Variants in CSMD1 observed in about 807,000 individuals in gnomAD.
CSMD1 encodes the protein CUB and Sushi multiple domains 1.
CSMD1 carries 213 observed loss-of-function variants against 417.5 expected under a neutral mutation model. That is an observed-to-expected ratio of 0.51 (90% CI 0.46 to 0.57). The LOEUF is 0.57. Among genes scored for constraint, CSMD1 ranks in the 20% least tolerant of loss-of-function variants. CSMD1 has a pLI of 0.00. For missense variants in CSMD1, 6,923 were observed against 4,529.7 expected, an observed-to-expected ratio of 1.53 and a Z score of -15.17; for synonymous variants, 2,862 against 1,736.8, an observed-to-expected ratio of 1.65 and a Z score of -16.11.
chr8:4,247,765 A>G (rs944974920), intron 3 of CSMD1, among the ~76,000 whole-genome samples: 2 of 152,174 alleles, frequency 1.3e-5, no homozygotes, highest in African/African-American at 2.4e-5. Flanking sequence ...GAAGCCTACA[A>G]CTTTAAAATA....
At chr8:4,630,566 G>A (rs1802450523) in intron 2 of CSMD1, among the ~76,000 whole-genome samples, 2 of 152,150 alleles carry the variant, frequency 1.3e-5, no homozygotes, top group Admixed American at 1.3e-4. Context: ...AGCATATGTT[G>A]ACAAGAGCAA....
intron 5 of CSMD1, among the ~76,000 whole-genome samples, chr8:3,876,612 T>C (rs1805841858): frequency 6.6e-6 from 1 of 152,178 alleles, no homozygotes; most frequent in Non-Finnish European, 1.5e-5. Context: ...TTGTTTTTGT[T>C]TGTTTCTTTG....
intron 1 of CSMD1, among the ~76,000 whole-genome samples, chr8:4,761,896 T>A (rs976416979): frequency 7.1e-4 from 63 of 88,824 alleles, no homozygotes; most frequent in Non-Finnish European, 1.0e-3. Context: ...TCTACCTACC[T>A]ATCTATCTAT....
chr8:4,292,791 C>A (rs75965413), intron 3 of CSMD1, among the ~76,000 whole-genome samples: 3 of 152,146 alleles, frequency 2.0e-5, no homozygotes, highest in Non-Finnish European at 2.9e-5. Flanking sequence ...GTAGTCCCAA[C>A]CATGTATCTT....
At chr8:3,559,349 G>A (rs1799367743) in intron 10 of CSMD1, among the ~76,000 whole-genome samples, 2 of 152,192 alleles carry the variant, frequency 1.3e-5, no homozygotes, top group Admixed American at 1.3e-4. Flanking sequence ...TCTGAACAGA[G>A]GTTTAAAGGA....
chr8:4,652,920 G>A (rs1475884828), intron 1 of CSMD1, among the ~76,000 whole-genome samples: 1 of 151,552 alleles, frequency 6.6e-6, no homozygotes. Context: ...GTGGGGTGGA[G>A]TTCAGGTGGT....
At chr8:4,461,977 C>G (rs1244520148) in intron 2 of CSMD1, among the ~76,000 whole-genome samples, 1 of 151,992 alleles carries the variant, frequency 6.6e-6, no homozygotes, top group East Asian at 1.9e-4. Flanking sequence ...TCCCGACCTC[C>G]TGATCCGCCC....
intron 3 of CSMD1, among the ~76,000 whole-genome samples, chr8:4,055,663 A>C (rs1399041379): frequency 6.6e-6 from 1 of 152,182 alleles, no homozygotes; most frequent in Non-Finnish European, 1.5e-5. Context: ...TAATGTAATT[A>C]TAAATGCCAC....
intron 21 of CSMD1, among the ~76,000 whole-genome samples, chr8:3,352,677 T>G (rs1178209453): frequency 6.6e-6 from 1 of 152,056 alleles, no homozygotes; most frequent in Non-Finnish European, 1.5e-5. Flanking sequence ...CTATCTCTAT[T>G]AAAAATACAA....
intron 55 of CSMD1, 56 bp downstream of exon 55, chr8:2,978,556 C>T: frequency 5.1e-6 from 7 of 1,360,016 alleles, no homozygotes; most frequent in Non-Finnish European, 5.9e-6. Flanking sequence ...GAATTTTCTG[C>T]TGATGGTGAC....
At chr8:3,975,578 G>A (rs1224001436) in intron 5 of CSMD1, among the ~76,000 whole-genome samples, 1 of 152,130 alleles carries the variant, frequency 6.6e-6, no homozygotes, top group East Asian at 1.9e-4. Flanking sequence ...TTATCAGAGA[G>A]AAGCTGGGCA....
At chr8:3,485,538 C>CACACACACATAG (rs376214281) in intron 11 of CSMD1, among the ~76,000 whole-genome samples, 1 of 134,922 alleles carries the variant, frequency 7.4e-6, no homozygotes, top group Non-Finnish European at 1.5e-5. Flanking sequence ...CACACACACA[C>CACACACACATAG]AGAGAGAGAG....
At chr8:3,518,453 A>T (rs903286224) in intron 10 of CSMD1, among the ~76,000 whole-genome samples, 1 of 152,224 alleles carries the variant, frequency 6.6e-6, no homozygotes, top group Non-Finnish European at 1.5e-5. Flanking sequence ...ATTCTGACAC[A>T]TAGAAACAAT....
At chr8:4,279,721 C>T (rs1027669784) in intron 3 of CSMD1, among the ~76,000 whole-genome samples, 2 of 152,084 alleles carry the variant, frequency 1.3e-5, no homozygotes, top group African/African-American at 4.8e-5. Context: ...TCATTCATTG[C>T]AATTTTCAAT....
chr8:4,054,861 T>C (rs933759291), intron 3 of CSMD1, among the ~76,000 whole-genome samples: 21 of 152,266 alleles, frequency 1.4e-4, no homozygotes, highest in African/African-American at 2.6e-4. Flanking sequence ...AGAGAATGTA[T>C]TGAAATGTTC....
rs139541242 is a variant in CSMD1, at chr8:3,453,671, G to C, written c.1561+15041C>G. Among the ~76,000 whole-genome samples the C allele has an allele frequency of 2.8e-3, 424 of 152,300 alleles. 1 individual carries two copies. Among genetic ancestry groups the C allele is most frequent in the African/African-American group, 8.7e-3 (361 of 41,558 alleles). ...TTGTAGTTTTATTGCACTGTGGTCTGAGAGACAGTTTGTTATAATTTCTGT... is the reference window on the plus strand; with the variant it reads ...TTGTAGTTTTATTGCACTGTGGTCTCAGAGACAGTTTGTTATAATTTCTGT... On this transcript the variant is annotated intron_variant, in intron 12 of 69. Coordinates refer to ENST00000635120, the MANE Select transcript of CSMD1 (RefSeq NM_033225.6).
Position 3,574,991 on chromosome 8 carries a change from T to C in CSMD1, c.1298A>G (p.Asp433Gly). The change falls in exon 10 of 70, where the codon GAT becomes GGT. Residue 433 changes from aspartate to glycine, a missense_variant. Asp to Gly is a moderately conservative substitution (Grantham distance 94, BLOSUM62 -1). Transcript: ENST00000635120. ...TSPNYPVQYE[D>G]NAHCVWVITT... ...GATGACCCACACACAGTGTGCATTA[T>C]CTTCATACTGAACCGGATAATTAGG... 6.2e-7 allele frequency: 1 copy of C among 1,613,262 alleles called. No individual in the cohort carries two copies. Among genetic ancestry groups the C allele is most frequent in the African/African-American group, 1.3e-5 (1 of 75,026 alleles).
chr8:3,593,141 A>G (rs41488049), intron 8 of CSMD1, among the ~76,000 whole-genome samples: 1,974 of 152,294 alleles, frequency 0.013, 53 homozygotes, highest in African/African-American at 0.045. Context: ...AGCTGTGGTG[A>G]TAAGTGTGAT....
At chr8:3,324,525 G>T (rs1251044920) in intron 23 of CSMD1, among the ~76,000 whole-genome samples, 2 of 145,276 alleles carry the variant, frequency 1.4e-5, no homozygotes, top group African/African-American at 2.6e-5. Flanking sequence ...CCAGGAGGGG[G>T]AGTTTCTTCC....
Sources: gnomAD v4.1 joint callset for allele counts (sites outside exome capture counted in the v4.1 genomes callset) on GRCh38, gnomAD v4.1.1 for gene constraint, MANE v1.5 for transcripts, NCBI Gene and HGNC (gene_info 2026-07-23, HGNC 2026-07-21) for gene names.